The following ASTN2 variants were observed in gnomAD, a reference collection of about 807,000 sequenced individuals.
ASTN2 encodes astrotactin 2.
Under a neutral mutation model 139.8 loss-of-function variants are expected in ASTN2, and 54 were observed. The observed-to-expected ratio is 0.39, with a 90% CI of 0.31 to 0.48. The LOEUF (loss-of-function observed/expected upper bound fraction) is 0.48, where lower values mean the gene tolerates loss of function less well. Ranked by LOEUF, ASTN2 falls within the 20% of genes least tolerant of loss-of-function variation. ASTN2 has a pLI of 0.95. For missense variants in ASTN2, 1,565 were observed against 1,725.1 expected (o/e 0.91, Z 1.64); for synonymous variants, 756 against 719.5 (o/e 1.05, Z -0.81).
At chr9:117,359,225 C>T (rs1306765589) in intron 1 of ASTN2, among the ~76,000 whole-genome samples, 1 of 152,130 alleles carries the variant, frequency 6.6e-6, no homozygotes. Flanking sequence ...ACCTCAGAGT[C>T]CCCATCTGTA....
At chr9:117,094,679 G>A (rs1828795775) in intron 5 of ASTN2, among the ~76,000 whole-genome samples, 1 of 152,154 alleles carries the variant, frequency 6.6e-6, no homozygotes, top group South Asian at 2.1e-4. Context: ...TGTGTCAATG[G>A]AAACACTCCT....
intron 6 of ASTN2, among the ~76,000 whole-genome samples, chr9:117,010,323 A>T (rs1240091563): frequency 6.6e-6 from 1 of 152,166 alleles, no homozygotes; most frequent in East Asian, 1.9e-4. Flanking sequence ...GAACATCAGT[A>T]CCAACTACAG....
At chr9:116,744,997 C>T (rs889294285) in intron 13 of ASTN2, among the ~76,000 whole-genome samples, 2 of 152,160 alleles carry the variant, frequency 1.3e-5, no homozygotes, top group African/African-American at 4.8e-5. Context: ...TAGCAGAATG[C>T]AGCTTGTGAC....
intron 20 of ASTN2, among the ~76,000 whole-genome samples, chr9:116,479,464 A>G (rs1003748969): frequency 2.5e-5 from 2 of 78,556 alleles, no homozygotes; most frequent in Non-Finnish European, 6.9e-5. Flanking sequence ...GCTCCATCCA[A>G]GGCTCTCAGC....
intron 2 of ASTN2, among the ~76,000 whole-genome samples, chr9:117,246,104 C>G (rs2133082557): frequency 6.6e-6 from 1 of 152,006 alleles, no homozygotes; most frequent in East Asian, 1.9e-4. Flanking sequence ...CTCCCCATTT[C>G]ACTGAACTAA....
chr9:117,166,789 A>G (rs1830679772), intron 3 of ASTN2, among the ~76,000 whole-genome samples: 1 of 152,042 alleles, frequency 6.6e-6, no homozygotes, highest in South Asian at 2.1e-4. Context: ...CTTCTTCCCC[A>G]TAGACTGCAA....
chr9:116,488,974 A>T (rs1036007491), intron 19 of ASTN2, among the ~76,000 whole-genome samples: 1 of 152,198 alleles, frequency 6.6e-6, no homozygotes, highest in East Asian at 1.9e-4. Flanking sequence ...AAACTGACAT[A>T]TGAGGTATTT....
At chr9:117,269,962 T>C (rs1834025730) in intron 2 of ASTN2, among the ~76,000 whole-genome samples, 1 of 152,204 alleles carries the variant, frequency 6.6e-6, no homozygotes, top group Admixed American at 6.5e-5. Flanking sequence ...CATTGGATAG[T>C]ATTTTTCCTA....
chr9:116,559,266 C>G (rs1303597821), intron 19 of ASTN2, among the ~76,000 whole-genome samples: 1 of 152,162 alleles, frequency 6.6e-6, no homozygotes, highest in Non-Finnish European at 1.5e-5. Flanking sequence ...GTCCCACAAA[C>G]CAATTTAGAG....
intron 10 of ASTN2, among the ~76,000 whole-genome samples, chr9:116,926,475 G>A (rs374568795): frequency 7.2e-5 from 11 of 151,886 alleles, no homozygotes; most frequent in Non-Finnish European, 1.5e-4. Flanking sequence ...TCATGTTATC[G>A]AGTTCCATTT....
intron 11 of ASTN2, among the ~76,000 whole-genome samples, chr9:116,857,921 A>C (rs567104429): frequency 1.3e-5 from 2 of 152,340 alleles, no homozygotes; most frequent in South Asian, 4.1e-4. Flanking sequence ...GAAGCCTTGC[A>C]GCTTCTGCCT....
chr9:116,951,707 A>G (rs982199010), intron 10 of ASTN2, among the ~76,000 whole-genome samples: 2 of 152,182 alleles, frequency 1.3e-5, no homozygotes, highest in African/African-American at 4.8e-5. Context: ...GGGGATCTGT[A>G]AGCATGCAAT....
At chr9:116,990,299 G>C (rs1002880244) in intron 7 of ASTN2, among the ~76,000 whole-genome samples, 2 of 151,870 alleles carry the variant, frequency 1.3e-5, no homozygotes, top group African/African-American at 4.8e-5. Flanking sequence ...ACAAAGTCTC[G>C]CTCTGTCACC....
At chr9:117,227,604 A>G (rs981363111) in intron 2 of ASTN2, among the ~76,000 whole-genome samples, 1 of 152,228 alleles carries the variant, frequency 6.6e-6, no homozygotes, top group African/African-American at 2.4e-5. Flanking sequence ...ATTAGCCTAT[A>G]CCCGAGGACC....
intron 10 of ASTN2, among the ~76,000 whole-genome samples, chr9:116,938,598 A>T (rs1406894489): frequency 6.6e-6 from 1 of 152,054 alleles, no homozygotes; most frequent in Non-Finnish European, 1.5e-5. Flanking sequence ...TCAGGCCTTT[A>T]TCCAATTGCT....
chr9:116,758,708 C>T (rs1465095440), intron 13 of ASTN2, among the ~76,000 whole-genome samples: 1 of 152,140 alleles, frequency 6.6e-6, no homozygotes, highest in African/African-American at 2.4e-5. Context: ...TCGGAGCTTT[C>T]TCTGGGATCA....
At chr9:117,078,967 C>G (rs1389907010) in intron 5 of ASTN2, among the ~76,000 whole-genome samples, 1 of 151,986 alleles carries the variant, frequency 6.6e-6, no homozygotes, top group African/African-American at 2.4e-5. Context: ...AACTCCTGAC[C>G]TCAGGCGATC....
intron 10 of ASTN2, among the ~76,000 whole-genome samples, chr9:116,911,226 T>C (rs1834301324): frequency 6.6e-6 from 1 of 152,216 alleles, no homozygotes; most frequent in Non-Finnish European, 1.5e-5. Flanking sequence ...CCATGCTTTA[T>C]CTTATTTAAT....
chr9:116,580,196 C>T (rs1588034256), intron 19 of ASTN2, among the ~76,000 whole-genome samples: 1 of 152,182 alleles, frequency 6.6e-6, no homozygotes, highest in South Asian at 2.1e-4. Context: ...GGGACATTAG[C>T]AGCTCAGAGG....
Sources: gnomAD v4.1 joint callset for allele counts (sites outside exome capture counted in the v4.1 genomes callset) on GRCh38, gnomAD v4.1.1 for gene constraint, MANE v1.5 for transcripts, NCBI Gene and HGNC (gene_info 2026-07-23, HGNC 2026-07-21) for gene names.